Variants in RFC3 observed in about 807,000 individuals in gnomAD.
RFC3 encodes A1 38 kDa subunit.
A neutral mutation model predicts 45.1 loss-of-function variants in RFC3; 41 were observed. The ratio of observed to expected loss-of-function variants is 0.91; its 90% CI spans 0.71 to 1.18. The LOEUF (loss-of-function observed/expected upper bound fraction) is 1.18, where lower values mean the gene tolerates loss of function less well. RFC3 is among the 50% of genes most tolerant of loss of function. The pLI is 0.00. For missense variants in RFC3, 423 were observed against 428.1 expected, an observed-to-expected ratio of 0.99 and a Z score of 0.10; for synonymous variants, 149 against 144.0, an observed-to-expected ratio of 1.03 and a Z score of -0.25.
At chr13:33,951,263 C>T (rs372219093) in intron 8 of RFC3, among the ~76,000 whole-genome samples, 74 of 147,008 alleles carry the variant, frequency 5.0e-4, no homozygotes, top group African/African-American at 1.5e-3. Flanking sequence ...GACAGAGTCT[C>T]GCTCTGTTGC....
At chr13:33,854,310 A>G (rs2082295583) in intron 8 of RFC3, among the ~76,000 whole-genome samples, 1 of 152,192 alleles carries the variant, frequency 6.6e-6, no homozygotes. Context: ...AGTAAATGGA[A>G]GGGAGCCACT....
At chr13:33,891,692 G>T (rs1274204617) in intron 8 of RFC3, among the ~76,000 whole-genome samples, 1 of 152,016 alleles carries the variant, frequency 6.6e-6, no homozygotes, top group African/African-American at 2.4e-5. Flanking sequence ...CAGCCAACTG[G>T]ATTATAACAA....
At position 33,836,831 on chromosome 13, in the gene RFC3, C is replaced by T; in HGVS notation, c.*536C>T. 1 of 985,760 alleles carries T rather than the reference C, an allele frequency of 1.0e-6. No homozygotes were observed. Among genetic ancestry groups the T allele is most frequent in the Non-Finnish European group, 1.2e-6 (1 of 830,144 alleles). The allele number at this position is 985,760 out of a possible 1,614,324, so 61.1% of individuals were successfully genotyped here. The stretch of plus-strand genomic sequence containing the variant: ...TTCTGTTGAGGCTGCAGATTTCCAA[C>T]TTTTATTTCAGTGGTTCAGATTAGT... On this transcript the variant is annotated 3_prime_UTR_variant, in exon 9 of 9. Coordinates refer to ENST00000380071, the MANE Select transcript of RFC3 (RefSeq NM_002915.4).
chr13:33,819,853 T>G (rs976528827), intron 1 of RFC3, among the ~76,000 whole-genome samples: 4 of 152,204 alleles, frequency 2.6e-5, no homozygotes, highest in Non-Finnish European at 5.9e-5. Flanking sequence ...TATGAAACAT[T>G]TAAAGCATAA....
At chr13:33,866,405 T>C (rs1266165166) in intron 8 of RFC3, among the ~76,000 whole-genome samples, 1 of 152,208 alleles carries the variant, frequency 6.6e-6, no homozygotes, top group Admixed American at 6.5e-5. Context: ...AAGGGTGTGA[T>C]CCATACAGTT....
At chr13:33,900,879 C>CA (rs1369630550) in intron 8 of RFC3, among the ~76,000 whole-genome samples, 1 of 148,228 alleles carries the variant, frequency 6.7e-6, no homozygotes, top group African/African-American at 2.5e-5. Context: ...TGAAAATGGA[C>CA]AAAAAATGTG....
chr13:33,855,521 T>G (rs1486574412), intron 8 of RFC3, among the ~76,000 whole-genome samples: 1 of 152,154 alleles, frequency 6.6e-6, no homozygotes, highest in Non-Finnish European at 1.5e-5. Flanking sequence ...GGAATAATAG[T>G]TCTATTTTTA....
At chr13:33,824,011 G>A (rs1354074747) in intron 3 of RFC3, 27 bp downstream of exon 3, 5 of 1,195,124 alleles carry the variant, frequency 4.2e-6, no homozygotes, top group East Asian at 5.1e-5. Context: ...TAGAAATTAA[G>A]TATTTTTAAA....
chr13:33,890,163 G>T (rs1017015781), intron 8 of RFC3, among the ~76,000 whole-genome samples: 11 of 152,248 alleles, frequency 7.2e-5, no homozygotes, highest in African/African-American at 2.4e-4. Flanking sequence ...AACTGTGTGG[G>T]GTGGGTAGGG....
intron 4 of RFC3, among the ~76,000 whole-genome samples, chr13:33,828,073 A>AGGAGTTTG (rs2082067311): frequency 6.6e-6 from 1 of 152,176 alleles, no homozygotes; most frequent in East Asian, 1.9e-4. Context: ...GCTTGAACCC[A>AGGAGTTTG]GGAGTTTGGG....
At chr13:33,963,976 C>A (rs1166606361) in intron 8 of RFC3, among the ~76,000 whole-genome samples, 7 of 152,166 alleles carry the variant, frequency 4.6e-5, no homozygotes, top group Admixed American at 4.6e-4. Flanking sequence ...GTCCTCTGCC[C>A]TCCGCCTTCA....
chr13:33,951,053 T>TG (rs2137831452), intron 8 of RFC3, among the ~76,000 whole-genome samples: 1 of 145,058 alleles, frequency 6.9e-6, no homozygotes, highest in East Asian at 2.0e-4. Flanking sequence ...TTTTTTTTTT[T>TG]TTTTTTTTTT....
intron 8 of RFC3, among the ~76,000 whole-genome samples, chr13:33,962,195 C>A (rs897995833): frequency 3.3e-5 from 5 of 152,156 alleles, no homozygotes; most frequent in African/African-American, 1.2e-4. Flanking sequence ...CATGCCACTT[C>A]AAATCCTAAT....
chr13:33,889,366 G>A (rs578129634), intron 8 of RFC3, among the ~76,000 whole-genome samples: 2 of 152,222 alleles, frequency 1.3e-5, no homozygotes, highest in Non-Finnish European at 2.9e-5. Flanking sequence ...TAAAAAATTT[G>A]CCAATTGAAA....
At chr13:33,906,671 G>A (rs529930381) in intron 8 of RFC3, among the ~76,000 whole-genome samples, 2 of 151,852 alleles carry the variant, frequency 1.3e-5, no homozygotes, top group African/African-American at 4.8e-5. Flanking sequence ...TGTTGAACAA[G>A]GTTTAAATTG....
intron 7 of RFC3, among the ~76,000 whole-genome samples, chr13:33,834,393 T>C (rs537857543): frequency 2.0e-4 from 27 of 134,086 alleles, no homozygotes; most frequent in South Asian, 1.7e-3. Context: ...CTTTCTCTCT[T>C]TTTTTTTTTT....
intron 4 of RFC3, among the ~76,000 whole-genome samples, chr13:33,828,879 T>G (rs999127057): frequency 6.6e-6 from 1 of 152,182 alleles, no homozygotes; most frequent in Admixed American, 6.5e-5. Flanking sequence ...TTCTAGTATG[T>G]TCCCGTGGGT....
intron 8 of RFC3, among the ~76,000 whole-genome samples, chr13:33,876,471 TGA>T (rs2082447746): frequency 6.6e-6 from 1 of 152,260 alleles, no homozygotes; most frequent in Non-Finnish European, 1.5e-5. Context: ...TTTAACTCAG[TGA>T]GAGTATTCAT....
the RFC3 span, among the ~76,000 whole-genome samples, chr13:33,975,289 A>C: frequency 2.6e-5 from 4 of 152,224 alleles, no homozygotes; most frequent in Non-Finnish European, 4.4e-5. Flanking sequence ...TAGTCTAAAA[A>C]GGCTACATAC....
Sources: gnomAD v4.1 joint callset for allele counts (sites outside exome capture counted in the v4.1 genomes callset) on GRCh38, gnomAD v4.1.1 for gene constraint, MANE v1.5 for transcripts, NCBI Gene and HGNC (gene_info 2026-07-23, HGNC 2026-07-21) for gene names.